The following CREBZF variants were observed in gnomAD, a reference collection of about 807,000 sequenced individuals.
CREBZF encodes HCF-binding transcription factor Zhangfei.
CREBZF carries 8 observed loss-of-function variants against 21.1 expected under a neutral mutation model. The observed-to-expected ratio is 0.38, with a 90% CI of 0.22 to 0.68. CREBZF has a LOEUF of 0.68. Among genes scored for constraint, CREBZF ranks in the 30% least tolerant of loss-of-function variants. The probability of loss-of-function intolerance (pLI) is 0.51; values close to 1 mark genes in which losing one functional copy is unlikely to be tolerated. For synonymous variants in CREBZF, 270 were observed against 223.3 expected, an observed-to-expected ratio of 1.21 and a Z score of -1.86; for missense variants, 518 against 484.3, an observed-to-expected ratio of 1.07 and a Z score of -0.65.
upstream of CREBZF, among the ~76,000 whole-genome samples, chr11:85,668,957 G>T (rs1253379234): frequency 1.7e-5 from 2 of 120,154 alleles, no homozygotes; most frequent in Non-Finnish European, 3.3e-5. Flanking sequence ...AGCCGAGATC[G>T]CGCCACTGCA....
intron 1 of CREBZF, among the ~76,000 whole-genome samples, chr11:85,675,308 A>G (rs1307180254): frequency 6.6e-6 from 1 of 152,208 alleles, no homozygotes; most frequent in Non-Finnish European, 1.5e-5. Flanking sequence ...TTAAAGTGAG[A>G]GATGTATAAC....
chr11:85,660,778 T>A lies in CREBZF; in HGVS notation c.*3033A>T, dbSNP rs1311503045. The A allele has an allele frequency of 6.8e-6, 2 of 295,174 alleles. No individual in the cohort carries two copies. The highest frequency in any genetic ancestry group is 1.3e-5 in the Non-Finnish European group (2 of 151,854). The allele number at this position is 295,174 out of a possible 1,614,324, so 18.3% of individuals were successfully genotyped here. A position where few individuals can be genotyped will look rare whatever the true frequency, so the allele number is the denominator to read the frequency against. On this transcript the variant is annotated 3_prime_UTR_variant, in exon 1 of 1. Transcript: ENST00000527447. ...AAACAGTAAGTCAATATGATAGAAA[T>A]AGTAGGTCAAAATATGATGTGTTAG...
chr11:85,682,561 T>C (rs1186363256), intron 1 of CREBZF, among the ~76,000 whole-genome samples: 1 of 151,988 alleles, frequency 6.6e-6, no homozygotes, highest in Non-Finnish European at 1.5e-5. Context: ...CTCGTTCCCC[T>C]GCGCCCGAGT....
Position 85,663,578 on chromosome 11 carries a change from G to A in CREBZF, c.*233C>T. 3 of 1,535,512 alleles carry A rather than the reference G, an allele frequency of 2.0e-6. No individual in the cohort carries two copies. The highest frequency in any genetic ancestry group is 1.8e-6 in the Non-Finnish European group (2 of 1,133,056). ...TAACCCCTACAACGGAGCCTGGCAGGAAGGAAATCACCTAAAAAAGAAACT... is the reference window on the plus strand; with the variant it reads ...TAACCCCTACAACGGAGCCTGGCAGAAAGGAAATCACCTAAAAAAGAAACT... On this transcript the variant is annotated 3_prime_UTR_variant, in exon 1 of 1. Transcript: ENST00000527447.
intron 1 of CREBZF, among the ~76,000 whole-genome samples, chr11:85,673,556 G>C (rs780145010): frequency 6.6e-6 from 1 of 152,154 alleles, no homozygotes; most frequent in African/African-American, 2.4e-5. Context: ...CTTTTTGCTG[G>C]TGGAGGGTCT....
rs188230212 is a variant in CREBZF, at chr11:85,670,723, G to A, written n.148-7122C>T. Among the ~76,000 whole-genome samples, 316 of 152,260 alleles carry A rather than the reference G, an allele frequency of 2.1e-3. 4 individuals carry two copies. The highest frequency in any genetic ancestry group is 2.5e-3 in the East Asian group (13 of 5,170). ...GAATACAATGTAGTGTCAATATCTCGATAGATTAGAAGAAGAGGTTGTCAG... is the reference window on the plus strand; with the variant it reads ...GAATACAATGTAGTGTCAATATCTCAATAGATTAGAAGAAGAGGTTGTCAG... On this transcript the variant is annotated intron_variant and non_coding_transcript_variant, in intron 1 of 3. Transcript: ENST00000531515.
Position 85,663,625 on chromosome 11 carries a change from C to T in CREBZF, c.*186G>A. 4 of 1,573,236 alleles carry T rather than the reference C, an allele frequency of 2.5e-6. No homozygotes were observed. Among genetic ancestry groups the T allele is most frequent in the Non-Finnish European group, 2.6e-6 (3 of 1,159,158 alleles). ...AACTGTCAGAGAGATTTAATAGTCA[C>T]ATGTTATCATTAGGAGTTGGTTACT... On this transcript the variant is annotated 3_prime_UTR_variant, in exon 1 of 1. Coordinates refer to ENST00000527447, the MANE Select transcript of CREBZF (RefSeq NM_001039618.4).
At chr11:85,674,448 A>G (rs1322136624) in intron 1 of CREBZF, among the ~76,000 whole-genome samples, 1 of 152,266 alleles carries the variant, frequency 6.6e-6, no homozygotes, top group Non-Finnish European at 1.5e-5. Context: ...ATATGCTGTC[A>G]TTCAGGCTTT....
At position 85,664,332 on chromosome 11, in the gene CREBZF, C is replaced by T. The variant is rs754567434; in HGVS notation, c.544G>A (p.Ala182Thr). Residue 182 changes from alanine (A) to threonine (T), a missense_variant, in exon 1 of 1, where the codon GCC (alanine) becomes ACC (threonine). This residue lies in a region of CREBZF where 396 missense variants were observed against 324.4 expected (regional missense o/e 1.22). Coordinates refer to ENST00000527447, the MANE Select transcript of CREBZF (RefSeq NM_001039618.4). This position sits in a 1 kb window ranked among gnomAD's most constrained non-coding sequence, Gnocchi z 5.5. ...GGGGACTTTCTCCGCCTCTTTTCGG[C>T]GCTGCCACTGTCACTGCTGCTGCTG... ...GCSSSSDSGS[A>T]EKRRRKSPGG... 1.2e-6 allele frequency: 2 copies of T among 1,612,262 alleles called. No homozygotes were observed.
rs1390806386 is a variant in CREBZF at position 85,663,551 on chromosome 11, T to G, written c.*260A>C. ...GGTTGTGAGGCGGGAACGACTGTTC[T>G]GTAACCCCTACAACGGAGCCTGGCA... is the stretch of plus-strand genomic sequence containing the variant. On this transcript the variant is annotated 3_prime_UTR_variant, in exon 1 of 1. Coordinates refer to ENST00000527447, the MANE Select transcript of CREBZF (RefSeq NM_001039618.4). 2 of 1,398,248 alleles carry G rather than the reference T, an allele frequency of 1.4e-6. No homozygotes were observed. Among genetic ancestry groups the G allele is most frequent in the Non-Finnish European group, 9.9e-7 (1 of 1,007,986 alleles). 86.6% of individuals were successfully genotyped at this position (1,398,248 alleles called of 1,614,324 possible). A position where few individuals can be genotyped will look rare whatever the true frequency, so the allele number is the denominator to read the frequency against.
chr11:85,674,505 T>C (rs1452115475), intron 1 of CREBZF, among the ~76,000 whole-genome samples: 1 of 152,238 alleles, frequency 6.6e-6, no homozygotes. Context: ...AGCATAATTC[T>C]TGAAAGCCCT....
At position 85,658,816 on chromosome 11, in the gene CREBZF, A is replaced by C. The variant is rs1191554237; in HGVS notation, c.*4995T>G. Among the ~76,000 whole-genome samples the C allele has an allele frequency of 6.6e-6, 1 of 152,096 alleles. No individual in the cohort carries two copies. The highest frequency in any genetic ancestry group is 2.4e-5 in the African/African-American group (1 of 41,448). ...ACGCTAAAGGAAGTTGAGATAAATA[A>C]AATTCAAATCAGTGTATTAACAGAA... On this transcript the variant is annotated 3_prime_UTR_variant, in exon 1 of 1. Coordinates refer to ENST00000527447, the MANE Select transcript of CREBZF (RefSeq NM_001039618.4).
At position 85,665,011 on chromosome 11, in the gene CREBZF, C is replaced by T. The variant is rs926943436; in HGVS notation, c.-136G>A. Reference sequence around the variant, plus strand: ...TGCAGGGAAAGGTCCGAGTCGCCTCCCGCCTCACTTGGCTAGTCGACCCCC... The same window carrying T: ...TGCAGGGAAAGGTCCGAGTCGCCTCTCGCCTCACTTGGCTAGTCGACCCCC... On this transcript the variant is annotated 5_prime_UTR_variant, in exon 1 of 1. Transcript: ENST00000527447. 2 of 561,900 alleles carry T rather than the reference C, an allele frequency of 3.6e-6. No individual in the cohort carries two copies. The highest frequency in any genetic ancestry group is 5.6e-6 in the Non-Finnish European group (2 of 356,840). The allele number at this position is 561,900 out of a possible 1,614,324, so 34.8% of individuals were successfully genotyped here.
In CREBZF at chr11:85,682,494, A is replaced by G. The variant is rs370123503; in HGVS notation, n.147+223T>C. On this transcript the variant is annotated intron_variant and non_coding_transcript_variant, in intron 1 of 3. Coordinates refer to the CREBZF transcript ENST00000531515. The stretch of plus-strand genomic sequence containing the variant: ...AAAACGGCAAATAAGGATCAAACGT[A>G]CACAAACTCCTCAGCACAGCTTGGA... Among the ~76,000 whole-genome samples, 5 of 152,324 alleles carry G rather than the reference A, an allele frequency of 3.3e-5. No homozygotes were observed. The East Asian group carries it at 9.7e-4, about 29-fold the overall frequency.
intron 1 of CREBZF, among the ~76,000 whole-genome samples, chr11:85,677,788 C>T (rs991049364): frequency 6.6e-6 from 1 of 152,206 alleles, no homozygotes; most frequent in African/African-American, 2.4e-5. Context: ...AATTCTCCCA[C>T]TGCAAAATTC....
At position 85,664,245 on chromosome 11, in the gene CREBZF, G is replaced by T. The variant is rs1478581066; in HGVS notation, c.631C>A (p.Arg211=). The T allele has an allele frequency of 6.2e-7, 1 of 1,612,482 alleles. No individual in the cohort carries two copies. Among genetic ancestry groups the T allele is most frequent in the Admixed American group, 1.7e-5 (1 of 60,014 alleles). ...DNNQAATKSP[R]KAAAAAARLN... is the part of the protein sequence containing the mutation. Reference sequence around the variant, plus strand: ...CGGGCAGCGGCCGCCGCCGCCTTCCGGGGACTCTTTGTCGCCGCCTGGTTG... The same window carrying T: ...CGGGCAGCGGCCGCCGCCGCCTTCCTGGGACTCTTTGTCGCCGCCTGGTTG... The change falls in exon 1 of 1, where the codon CGG becomes AGG. Residue 211 remains arginine (R), a synonymous_variant. Transcript: ENST00000527447. The surrounding 1 kb of genome is among the most constrained non-coding windows in gnomAD (Gnocchi z 5.5).
upstream of CREBZF, among the ~76,000 whole-genome samples, chr11:85,669,902 G>C (rs948858071): frequency 9.2e-5 from 14 of 152,108 alleles, no homozygotes; most frequent in Non-Finnish European, 1.2e-4. Flanking sequence ...CCACCTCCTG[G>C]GTTCAAGCGA....
upstream of CREBZF, among the ~76,000 whole-genome samples, chr11:85,667,451 C>T (rs1298997127): frequency 6.6e-5 from 10 of 152,198 alleles, no homozygotes; most frequent in Admixed American, 3.9e-4. Flanking sequence ...ATAGGATTTT[C>T]ACTTCCCTAA....
upstream of CREBZF, among the ~76,000 whole-genome samples, chr11:85,666,077 G>C (rs577557457): frequency 6.6e-6 from 1 of 151,898 alleles, no homozygotes; most frequent in Non-Finnish European, 1.5e-5. Flanking sequence ...AAAACTCTTT[G>C]TCTTCCTTCG....
Sources: gnomAD v4.1 joint callset for allele counts (sites outside exome capture counted in the v4.1 genomes callset) on GRCh38, gnomAD v4.1.1 for gene constraint, gnomAD v4.1.1 regional missense constraint, Gnocchi (gnomAD v3.1) non-coding constraint, MANE v1.5 for transcripts, NCBI Gene and HGNC (gene_info 2026-07-23, HGNC 2026-07-21) for gene names.